The following NEK11 variants were observed in gnomAD, a reference collection of about 807,000 sequenced individuals.
The protein encoded by NEK11 is NIMA related kinase 11, also known as serine/threonine-protein kinase Nek11.
In NEK11, 72 loss-of-function variants were observed where a neutral mutation model predicts 80.7. The ratio of observed to expected loss-of-function variants is 0.89; its 90% confidence interval spans 0.74 to 1.08. The LOEUF (loss-of-function observed/expected upper bound fraction) is 1.08, where lower values mean the gene tolerates loss of function less well. Among genes scored for constraint, NEK11 ranks in the 50% least tolerant of loss-of-function variants. NEK11 has a pLI of 0.00. For missense variants in NEK11, 764 were observed against 763.6 expected, an observed-to-expected ratio of 1.00 and a Z score of -0.01; for synonymous variants, 251 against 260.7, an observed-to-expected ratio of 0.96 and a Z score of 0.36.
intron 14 of NEK11, among the ~76,000 whole-genome samples, chr3:131,200,851 T>C (rs2094199796): frequency 6.6e-6 from 1 of 152,348 alleles, no homozygotes; most frequent in Non-Finnish European, 1.5e-5. Context: ...GTCTCAGTGA[T>C]TGGCTTTCTG....
chr3:131,133,040 G>A (rs1198089054), intron 6 of NEK11, among the ~76,000 whole-genome samples: 1 of 152,054 alleles, frequency 6.6e-6, no homozygotes, highest in Non-Finnish European at 1.5e-5. Context: ...GATATAAATT[G>A]AGGTGTACAA....
intron 3 of NEK11, among the ~76,000 whole-genome samples, chr3:131,058,583 T>C (rs2070136035): frequency 1.3e-5 from 2 of 152,186 alleles, no homozygotes; most frequent in African/African-American, 4.8e-5. Flanking sequence ...TGCATGTCAT[T>C]GTATTTTATG....
chr3:131,336,686 A>G (rs1390591690), intron 17 of NEK11, among the ~76,000 whole-genome samples: 1 of 152,242 alleles, frequency 6.6e-6, no homozygotes, highest in African/African-American at 2.4e-5. Context: ...CAGGCAACCT[A>G]CAAAATAGGA....
intron 17 of NEK11, among the ~76,000 whole-genome samples, chr3:131,316,313 G>A (rs575090058): frequency 2.0e-5 from 3 of 152,204 alleles, no homozygotes; most frequent in East Asian, 1.9e-4. Flanking sequence ...AACTTTTCTT[G>A]TGTGTCCTTA....
chr3:131,158,081 G>T (rs993954171), intron 10 of NEK11, among the ~76,000 whole-genome samples: 2 of 152,024 alleles, frequency 1.3e-5, no homozygotes, highest in African/African-American at 4.8e-5. Flanking sequence ...CATCAGAGGG[G>T]GCTGATCTGA....
intron 17 of NEK11, chr3:131,330,473 A>AT (rs935772930): frequency 8.5e-5 from 13 of 152,228 alleles, no homozygotes; most frequent in Admixed American, 8.5e-4. Context: ...GAGAATGTGG[A>AT]TAGAGGACAG....
chr3:131,288,248 T>C (rs1420411053), intron 17 of NEK11, among the ~76,000 whole-genome samples: 1 of 152,148 alleles, frequency 6.6e-6, no homozygotes, highest in Non-Finnish European at 1.5e-5. Context: ...TTTTCAGGTC[T>C]TCCTCCTCCA....
Position 131,265,189 on chromosome 3 carries a change from A to C in NEK11, c.1622-8289A>C, listed in dbSNP as rs565853966. ...AGACAATTTGACTTCCTCTTTTCCT[A>C]TTTGAATACCCTGTATTTCTTTCTC... On this transcript the variant is annotated intron_variant, in intron 16 of 17. Transcript: ENST00000383366. 2.6e-5 allele frequency among the ~76,000 whole-genome samples: 4 copies of C among 152,082 alleles called. 1 individual carries two copies. Among genetic ancestry groups the C allele is most frequent in the Middle Eastern group, 3.2e-3 (1 of 316 alleles).
intron 10 of NEK11, among the ~76,000 whole-genome samples, chr3:131,158,053 T>G (rs2090974330): frequency 6.6e-6 from 1 of 152,040 alleles, no homozygotes; most frequent in African/African-American, 2.4e-5. Context: ...AGACTTGAAC[T>G]CTGCAGGCAG....
chr3:131,243,510 T>C lies in NEK11; in HGVS notation c.1621+14T>C. Reference sequence around the variant, plus strand: ...GCACTTCTCTAGGTGAGTAAGTTCCTTTAGGCTTCAAAATACATTGACAGC... The same window carrying C: ...GCACTTCTCTAGGTGAGTAAGTTCCCTTAGGCTTCAAAATACATTGACAGC... On this transcript the variant is annotated intron_variant, in intron 16 of 17. Transcript: ENST00000383366. 6.2e-7 allele frequency: 1 copy of C among 1,607,094 alleles called. No individual in the cohort carries two copies. Among genetic ancestry groups the C allele is most frequent in the South Asian group, 1.1e-5 (1 of 90,690 alleles).
In NEK11 at chr3:131,249,044, C is replaced by A. The variant is rs1326237878; in HGVS notation, c.1621+5548C>A. ...TCCTTAAAGAAATGAGCATTAGAAT[C>A]ATGGAGTAAAAATACACATTTATCT... On this transcript the variant is annotated intron_variant, in intron 16 of 17. Transcript: ENST00000383366. Among the ~76,000 whole-genome samples the A allele has an allele frequency of 4.0e-5, 6 of 150,114 alleles. No homozygotes were observed. The East Asian group carries it at 1.2e-3, about 29-fold the overall frequency.
At chr3:131,315,443 T>C (rs2096827239) in intron 17 of NEK11, among the ~76,000 whole-genome samples, 1 of 151,236 alleles carries the variant, frequency 6.6e-6, no homozygotes, top group Non-Finnish European at 1.5e-5. Flanking sequence ...CAGGATCTCC[T>C]CTTTTTAAAG....
At chr3:131,247,046 G>A (rs1353137501) in intron 16 of NEK11, among the ~76,000 whole-genome samples, 2 of 151,888 alleles carry the variant, frequency 1.3e-5, no homozygotes, top group African/African-American at 4.8e-5. Context: ...AGATTGTAAA[G>A]GTTTTCTTCC....
intron 14 of NEK11, among the ~76,000 whole-genome samples, chr3:131,177,955 C>T (rs1419327360): frequency 6.6e-6 from 1 of 152,182 alleles, no homozygotes; most frequent in Non-Finnish European, 1.5e-5. Context: ...ATGTTATAGC[C>T]TAATGCGCAT....
rs768792155 is a variant in NEK11 at position 131,133,916 on chromosome 3, G to A, written c.607G>A (p.Ala203Thr). 6 of 1,611,990 alleles carry A rather than the reference G, an allele frequency of 3.7e-6. No individual in the cohort carries two copies. The highest frequency in any genetic ancestry group is 3.3e-5 in the South Asian group (3 of 90,674). ...TGTPHYMSPE[A>T]LKHQGYDTKS... ...AACTCCCCATTATATGAGTCCTGAG[G>A]CTCTGAAACACCAAGGCTATGACAC... Residue 203 changes from alanine (A) to threonine (T), a missense_variant, in exon 7 of 18, where the codon GCT (alanine) becomes ACT (threonine). Physicochemically the swap from Ala to Thr is moderately conservative, Grantham distance 58. Coordinates refer to ENST00000383366, the MANE Select transcript of NEK11 (RefSeq NM_024800.5).
At chr3:131,027,194 T>G (rs2063992516) in intron 1 of NEK11, 188 bp downstream of exon 1, 1 of 152,188 alleles carries the variant, frequency 6.6e-6, no homozygotes, top group Non-Finnish European at 1.5e-5. Context: ...TAACCTGCTT[T>G]GCCAAAATGT....
chr3:131,102,187 G>A (rs2078466408), intron 4 of NEK11, among the ~76,000 whole-genome samples: 1 of 152,016 alleles, frequency 6.6e-6, no homozygotes, highest in Non-Finnish European at 1.5e-5. Context: ...TTACATTCAG[G>A]GTTATTATTA....
At chr3:131,296,598 T>C (rs2096595703) in intron 17 of NEK11, among the ~76,000 whole-genome samples, 1 of 152,170 alleles carries the variant, frequency 6.6e-6, no homozygotes, top group Non-Finnish European at 1.5e-5. Flanking sequence ...TTGGTGGGAT[T>C]TTCTTTTATA....
intron 5 of NEK11, among the ~76,000 whole-genome samples, chr3:131,112,209 C>T (rs2080249591): frequency 6.6e-6 from 1 of 151,798 alleles, no homozygotes; most frequent in Non-Finnish European, 1.5e-5. Context: ...GTGGTATGGC[C>T]CTATAATGGA....
Sources: gnomAD v4.1 joint callset for allele counts (sites outside exome capture counted in the v4.1 genomes callset) on GRCh38, gnomAD v4.1.1 for gene constraint, MANE v1.5 for transcripts, NCBI Gene and HGNC (gene_info 2026-07-23, HGNC 2026-07-21) for gene names.